CDH4: variants seen among roughly 807,000 people sequenced by gnomAD.
CDH4 encodes the protein cadherin-4.
CDH4 carries 33 observed loss-of-function variants against 86.0 expected under a neutral mutation model. The ratio of observed to expected loss-of-function variants is 0.38; its 90% confidence interval spans 0.29 to 0.51. The LOEUF (loss-of-function observed/expected upper bound fraction) is 0.51, where lower values mean the gene tolerates loss of function less well. CDH4 is among the 20% of genes least tolerant of loss of function. CDH4 has a pLI of 0.86. For synonymous variants in CDH4, 555 were observed against 549.4 expected (o/e 1.01, Z -0.14); for missense variants, 1,114 against 1,307.4 (o/e 0.85, Z 2.28).
At chr20:61,435,279 A>G (rs1568843599) in intron 2 of CDH4, among the ~76,000 whole-genome samples, 1 of 152,210 alleles carries the variant, frequency 6.6e-6, no homozygotes, top group African/African-American at 2.4e-5. Context: ...TTTACAGAAA[A>G]CAGAGGCTCC....
intron 2 of CDH4, among the ~76,000 whole-genome samples, chr20:61,632,102 G>A (rs2086894841): frequency 6.6e-6 from 1 of 152,244 alleles, no homozygotes; most frequent in South Asian, 2.1e-4. Flanking sequence ...CCTGTGATGT[G>A]CACAGCACAC....
intron 2 of CDH4, among the ~76,000 whole-genome samples, chr20:61,554,774 TG>T (rs370578826): frequency 3.9e-5 from 6 of 152,272 alleles, no homozygotes; most frequent in African/African-American, 1.4e-4. Context: ...CATATGTGCA[TG>T]GTGTGAACAT....
intron 2 of CDH4, among the ~76,000 whole-genome samples, chr20:61,584,173 C>T (rs547569743): frequency 5.9e-5 from 9 of 152,146 alleles, no homozygotes; most frequent in Admixed American, 1.3e-4. Context: ...AATATATGTG[C>T]GTCAGTAGAG....
chr20:61,483,681 C>A (rs1344195252), intron 2 of CDH4, among the ~76,000 whole-genome samples: 2 of 147,736 alleles, frequency 1.4e-5, no homozygotes, highest in East Asian at 4.0e-4. Flanking sequence ...GCCCCCCCCG[C>A]CCCGCCCCCG....
At chr20:61,459,050 C>T (rs1432152313) in intron 2 of CDH4, among the ~76,000 whole-genome samples, 2 of 151,836 alleles carry the variant, frequency 1.3e-5, no homozygotes, top group East Asian at 1.9e-4. Flanking sequence ...TCATCCACAC[C>T]TCCCCCTGGC....
In CDH4 at chr20:61,395,810, TA is replaced by T. The variant is rs149783566; in HGVS notation, c.169+140874del. On this transcript the variant is annotated intron_variant, in intron 2 of 15. Coordinates refer to ENST00000614565, the MANE Select transcript of CDH4 (RefSeq NM_001794.5). ...AAATGTTGCTAGTATTCTAAACACT[TA>T]GGTTTTAAAGGGCTTGCTAGCTTTG... 5.3e-3 allele frequency among the ~76,000 whole-genome samples: 808 copies of T among 152,246 alleles called. 6 individuals carry two copies. Among genetic ancestry groups the T allele is most frequent in the African/African-American group, 0.018 (759 of 41,552 alleles).
At chr20:61,440,120 C>T (rs953307299) in intron 2 of CDH4, among the ~76,000 whole-genome samples, 9 of 152,184 alleles carry the variant, frequency 5.9e-5, no homozygotes, top group Non-Finnish European at 1.2e-4. Flanking sequence ...AAGATGCCTG[C>T]GCTATCTTCA....
intron 2 of CDH4, among the ~76,000 whole-genome samples, chr20:61,576,399 C>T (rs2086382809): frequency 6.6e-6 from 1 of 152,128 alleles, no homozygotes; most frequent in South Asian, 2.1e-4. Context: ...CAGGCTAATA[C>T]AGATTAACTG....
At chr20:61,502,644 C>T (rs957690212) in intron 2 of CDH4, among the ~76,000 whole-genome samples, 1 of 152,122 alleles carries the variant, frequency 6.6e-6, no homozygotes, top group Non-Finnish European at 1.5e-5. Flanking sequence ...GTTGGTGAGA[C>T]TCATATTTAG....
intron 2 of CDH4, among the ~76,000 whole-genome samples, chr20:61,310,566 G>T (rs532337211): frequency 9.2e-5 from 14 of 152,186 alleles, no homozygotes; most frequent in Non-Finnish European, 1.8e-4. Context: ...AGCTCAGGCG[G>T]CCATGCTGGC....
At chr20:61,795,117 A>G (rs1458998430) in intron 4 of CDH4, among the ~76,000 whole-genome samples, 2 of 139,904 alleles carry the variant, frequency 1.4e-5, no homozygotes, top group African/African-American at 2.7e-5. Context: ...GATGGTGGTG[A>G]TAATGGTGAT....
chr20:61,901,544 C>T (rs569014712), intron 8 of CDH4, among the ~76,000 whole-genome samples: 3 of 152,368 alleles, frequency 2.0e-5, no homozygotes, highest in African/African-American at 7.2e-5. Flanking sequence ...CCGTCAGGGC[C>T]GGCGCTCAGC....
chr20:61,798,480 C>T lies in CDH4; in HGVS notation c.576+25298C>T, dbSNP rs1351487841. On this transcript the variant is annotated intron_variant, in intron 4 of 15. Transcript: ENST00000614565. ...TCCAGAGCGTGGCCCCGGGGTGCAT[C>T]GCGCTGATTCCACTGCAGGCGGGTG... 2.0e-5 allele frequency among the ~76,000 whole-genome samples: 3 copies of T among 152,206 alleles called. No individual in the cohort carries two copies. The East Asian group carries it at 5.8e-4, about 29-fold the overall frequency.
At chr20:61,383,283 T>TG (rs2084918325) in intron 2 of CDH4, among the ~76,000 whole-genome samples, 1 of 123,000 alleles carries the variant, frequency 8.1e-6, no homozygotes, top group Non-Finnish European at 1.6e-5. Flanking sequence ...GAATATATGA[T>TG]ATATATGAAT....
At chr20:61,833,415 G>A (rs935049589) in intron 4 of CDH4, among the ~76,000 whole-genome samples, 8 of 152,020 alleles carry the variant, frequency 5.3e-5, no homozygotes, top group African/African-American at 1.5e-4. Context: ...AGAGCTCTCC[G>A]GGGGAGACAG....
intron 15 of CDH4, 107 bp downstream of exon 15, chr20:61,934,327 G>T (rs1600793791): frequency 4.7e-6 from 6 of 1,279,860 alleles, no homozygotes; most frequent in Non-Finnish European, 5.2e-6. Flanking sequence ...GGCTGCCGTG[G>T]GTGGGAGGCA....
At chr20:61,403,302 A>G (rs1201980511) in intron 2 of CDH4, among the ~76,000 whole-genome samples, 21 of 152,322 alleles carry the variant, frequency 1.4e-4, no homozygotes, top group Admixed American at 1.2e-3. Context: ...GAGCAAATAC[A>G]GCCCTGTGGG....
intron 2 of CDH4, among the ~76,000 whole-genome samples, chr20:61,413,687 T>C (rs1174072595): frequency 6.6e-6 from 1 of 152,188 alleles, no homozygotes; most frequent in Non-Finnish European, 1.5e-5. Context: ...TGCTCAGATA[T>C]TCACCATGGA....
At chr20:61,328,709 C>G (rs933028528) in intron 2 of CDH4, among the ~76,000 whole-genome samples, 1 of 152,130 alleles carries the variant, frequency 6.6e-6, no homozygotes, top group African/African-American at 2.4e-5. Context: ...TTGCTTGAAC[C>G]CAGGAGGTTG....
Sources: gnomAD v4.1 joint callset for allele counts (sites outside exome capture counted in the v4.1 genomes callset) on GRCh38, gnomAD v4.1.1 for gene constraint, MANE v1.5 for transcripts, NCBI Gene and HGNC (gene_info 2026-07-23, HGNC 2026-07-21) for gene names.